CCDC7: variants seen among roughly 807,000 people sequenced by gnomAD.
The protein encoded by CCDC7 is coiled-coil domain containing 7.
In CCDC7, 183 loss-of-function variants were observed where a neutral mutation model predicts 196.9. The observed-to-expected ratio is 0.93, with a 90% confidence interval of 0.82 to 1.05. CCDC7 has a LOEUF of 1.05. Ranked by LOEUF, CCDC7 falls within the 50% of genes least tolerant of loss-of-function variation. The pLI, the probability that CCDC7 is intolerant of heterozygous loss-of-function variation, is 0.00. For synonymous variants in CCDC7, 525 were observed against 484.6 expected (o/e 1.08, Z -1.10); for missense variants, 1,540 against 1,482.2 (o/e 1.04, Z -0.64).
Position 32,567,897 on chromosome 10 carries a change from GAAATAACCA to G in CCDC7, c.1419+11_1419+19del, listed in dbSNP as rs1218426348. On this transcript the variant is annotated splice_region_variant and intron_variant, in intron 15 of 41. Coordinates refer to ENST00000639629, the Ensembl canonical transcript of CCDC7. ...AAATCCAAGAATATCCACAGGTGAG[GAAATAACCA>G]AAATGGAGACAGTAGTATATGTTGT... 6.2e-7 allele frequency: 1 copy of G among 1,607,778 alleles called. No individual in the cohort carries two copies. Among genetic ancestry groups the G allele is most frequent in the African/African-American group, 1.3e-5 (1 of 74,398 alleles).
At chr10:32,523,439 C>T (rs942099444) in intron 11 of CCDC7, among the ~76,000 whole-genome samples, 2 of 151,892 alleles carry the variant, frequency 1.3e-5, no homozygotes, top group Admixed American at 1.3e-4. Context: ...GTCCCAGCTA[C>T]TCGGGAGGCT....
intron 20 of CCDC7, among the ~76,000 whole-genome samples, chr10:32,638,015 G>T (rs560829748): frequency 2.0e-5 from 3 of 152,128 alleles, no homozygotes; most frequent in African/African-American, 7.2e-5. Flanking sequence ...ATTCACTCAT[G>T]ATTTGGCTCT....
chr10:32,571,905 T>G lies in CCDC7; in HGVS notation c.1454+12T>G. 1 of 1,567,738 alleles carries G rather than the reference T, an allele frequency of 6.4e-7. No individual in the cohort carries two copies. The highest frequency in any genetic ancestry group is 8.6e-7 in the Non-Finnish European group (1 of 1,160,098). On this transcript the variant is annotated intron_variant, in intron 16 of 41. Transcript: ENST00000639629. ...CTGATTGAAAAGAGGTAAAACACTT[T>G]TTAAAAATTTGTTCCCTCATTTTCT...
At chr10:32,697,932 C>G (rs566758569) in intron 24 of CCDC7, among the ~76,000 whole-genome samples, 1 of 152,270 alleles carries the variant, frequency 6.6e-6, no homozygotes, top group African/African-American at 2.4e-5. Context: ...TAGGGGCTGA[C>G]TAACACCACA....
chr10:32,701,890 A>T (rs7893955), intron 24 of CCDC7, among the ~76,000 whole-genome samples: 140,506 of 152,086 alleles, frequency 0.92, 65,875 homozygotes, highest in East Asian at 1. Flanking sequence ...TTATTGCGTC[A>T]ATTTGATTCT....
At chr10:32,523,312 G>T (rs1422165397) in intron 11 of CCDC7, among the ~76,000 whole-genome samples, 1 of 152,238 alleles carries the variant, frequency 6.6e-6, no homozygotes, top group East Asian at 1.9e-4. Flanking sequence ...TTGGGAGGTT[G>T]AAGCAGGCAG....
At chr10:32,727,622 C>T (rs1392127127) in intron 26 of CCDC7, among the ~76,000 whole-genome samples, 5 of 152,150 alleles carry the variant, frequency 3.3e-5, no homozygotes, top group Non-Finnish European at 5.9e-5. Flanking sequence ...CAGGAGAGGG[C>T]GCTTGATTGC....
At chr10:32,485,152 A>G (rs562854188) in intron 8 of CCDC7, among the ~76,000 whole-genome samples, 15 of 152,304 alleles carry the variant, frequency 9.8e-5, no homozygotes, top group Admixed American at 9.2e-4. Context: ...TTGGTAAGCT[A>G]TTAATTATTG....
chr10:32,731,650 A>G (rs1308869101), intron 28 of CCDC7, among the ~76,000 whole-genome samples: 2 of 152,228 alleles, frequency 1.3e-5, no homozygotes, highest in African/African-American at 2.4e-5. Flanking sequence ...ACTTTCAGGA[A>G]AAGTACTCTG....
chr10:32,527,008 C>T lies in CCDC7; in HGVS notation c.993+8503C>T, dbSNP rs112528553. 4.5e-3 allele frequency among the ~76,000 whole-genome samples: 689 copies of T among 152,274 alleles called. 5 individuals carry two copies. The highest frequency in any genetic ancestry group is 5.7e-3 in the Non-Finnish European group (385 of 68,028). On this transcript the variant is annotated intron_variant, in intron 11 of 41. Coordinates refer to ENST00000639629, the Ensembl canonical transcript of CCDC7. ...GAAATTGCAGTCCATGTGTCCTAGACTGCCTTTCAAGTGTACCTGGGACCC... is the reference window on the plus strand; with the variant it reads ...GAAATTGCAGTCCATGTGTCCTAGATTGCCTTTCAAGTGTACCTGGGACCC...
At chr10:32,613,718 C>T (rs900463799) in intron 18 of CCDC7, among the ~76,000 whole-genome samples, 82 of 152,088 alleles carry the variant, frequency 5.4e-4, no homozygotes, top group African/African-American at 1.8e-3. Flanking sequence ...TGTAGTTGTT[C>T]AGTTTTGAGT....
intron 25 of CCDC7, among the ~76,000 whole-genome samples, chr10:32,721,422 A>G (rs1433081000): frequency 6.6e-6 from 1 of 152,192 alleles, no homozygotes. Flanking sequence ...AATGTGGATC[A>G]CAAGGACTCA....
chr10:32,877,529 T>C (rs1371312672), downstream of CCDC7, among the ~76,000 whole-genome samples: 3 of 152,120 alleles, frequency 2.0e-5, no homozygotes, highest in Non-Finnish European at 4.4e-5. Context: ...GTGGTGATTG[T>C]TAGGGTTATC....
intron 11 of CCDC7, among the ~76,000 whole-genome samples, chr10:32,519,006 A>G (rs916147833): frequency 6.6e-6 from 1 of 152,128 alleles, no homozygotes; most frequent in African/African-American, 2.4e-5. Flanking sequence ...TTTATTAACC[A>G]CTTAAGAAAT....
At chr10:32,501,068 G>T (rs751147259) in intron 9 of CCDC7, among the ~76,000 whole-genome samples, 36 of 151,624 alleles carry the variant, frequency 2.4e-4, no homozygotes, top group Non-Finnish European at 4.3e-4. Flanking sequence ...AGGGAGAGGT[G>T]TTTCTTTCTT....
rs574028256 is a variant in CCDC7, at chr10:32,490,189, A to G, written c.797-1733A>G. Among the ~76,000 whole-genome samples the G allele has an allele frequency of 3.3e-5, 5 of 152,076 alleles. No homozygotes were observed. The East Asian group carries it at 5.8e-4, about 18-fold the overall frequency. On this transcript the variant is annotated intron_variant, in intron 8 of 41. Transcript: ENST00000639629. ...TGGTTATTCTCCATTTTTTTGCTTTACTATCTTGCTGCAACTTCTTTGAGA... is the reference window on the plus strand; with the variant it reads ...TGGTTATTCTCCATTTTTTTGCTTTGCTATCTTGCTGCAACTTCTTTGAGA...
chr10:32,452,350 C>T (rs1022666564), intron 1 of CCDC7, among the ~76,000 whole-genome samples: 1 of 152,176 alleles, frequency 6.6e-6, no homozygotes, highest in Admixed American at 6.5e-5. Flanking sequence ...TGGGGAGAAC[C>T]CTCCTGAAAT....
At chr10:32,736,955 G>A (rs778877805) in intron 28 of CCDC7, among the ~76,000 whole-genome samples, 2 of 152,038 alleles carry the variant, frequency 1.3e-5, no homozygotes, top group East Asian at 3.9e-4. Flanking sequence ...AGAAAAAAAA[G>A]CATCTGTTTT....
At chr10:32,659,810 A>G (rs1188903051) in intron 20 of CCDC7, among the ~76,000 whole-genome samples, 1 of 152,234 alleles carries the variant, frequency 6.6e-6, no homozygotes, top group South Asian at 2.1e-4. Context: ...CTATTACTAA[A>G]AAGCCCAAAA....
Sources: allele counts gnomAD v4.1 joint callset (sites outside exome capture counted in the v4.1 genomes callset), GRCh38; gene constraint gnomAD v4.1.1; transcripts MANE v1.5; gene names NCBI Gene and HGNC (gene_info 2026-07-23, HGNC 2026-07-21).